The following AK5 variants were observed in gnomAD, a reference collection of about 807,000 sequenced individuals.
AK5 encodes adenylate kinase isoenzyme 5.
Under a neutral mutation model 69.5 loss-of-function variants are expected in AK5, and 27 were observed. The ratio of observed to expected loss-of-function variants is 0.39; its 90% confidence interval spans 0.29 to 0.54. AK5 has a LOEUF of 0.54. AK5 is among the 20% of genes least tolerant of loss of function. AK5 has a pLI of 0.71. For synonymous variants in AK5, 260 were observed against 244.4 expected (o/e 1.06, Z -0.60); for missense variants, 531 against 700.4 (o/e 0.76, Z 2.73).
chr1:77,545,171 C>T (rs1269189321), intron 13 of AK5, among the ~76,000 whole-genome samples: 1 of 152,158 alleles, frequency 6.6e-6, no homozygotes, highest in Non-Finnish European at 1.5e-5. Context: ...CTCAAGTAAC[C>T]AATGTGAACA....
chr1:77,318,716 C>CTT (rs113209635), intron 5 of AK5, among the ~76,000 whole-genome samples: 1 of 146,104 alleles, frequency 6.8e-6, no homozygotes, highest in African/African-American at 2.5e-5. Flanking sequence ...TTCAGTGGGT[C>CTT]TTTTTTTTTT....
chr1:77,355,911 A>G (rs981162808), intron 6 of AK5, among the ~76,000 whole-genome samples: 6 of 151,788 alleles, frequency 4.0e-5, no homozygotes, highest in African/African-American at 1.5e-4. Flanking sequence ...ACACATATAT[A>G]TATACACACA....
chr1:77,308,225 CCTTA>C (rs1659749911), intron 5 of AK5, among the ~76,000 whole-genome samples: 1 of 151,948 alleles, frequency 6.6e-6, no homozygotes, highest in African/African-American at 2.4e-5. Context: ...CGCCATTTTT[CCTTA>C]CTTCTCAGCC....
chr1:77,558,730 AAC>A lies in AK5; in HGVS notation c.*64_*65del. On this transcript the variant is annotated 3_prime_UTR_variant, in exon 14 of 14. Coordinates refer to ENST00000354567, the MANE Select transcript of AK5 (RefSeq NM_174858.3). ...AAAAACATTAAAAAGTTCATTCCTT[AAC>A]ACAATGTTTCAAGTTAAACCTTTTG... 8.3e-7 allele frequency: 1 copy of A among 1,211,176 alleles called. No homozygotes were observed. Among genetic ancestry groups the A allele is most frequent in the Admixed American group, 1.8e-5 (1 of 56,164 alleles). The allele number at this position is 1,211,176 out of a possible 1,614,324, so 75.0% of individuals were successfully genotyped here. A position where few individuals can be genotyped will look rare whatever the true frequency, so the allele number is the denominator to read the frequency against.
intron 8 of AK5, among the ~76,000 whole-genome samples, chr1:77,457,579 A>G (rs1273888298): frequency 1.3e-5 from 2 of 151,996 alleles, no homozygotes; most frequent in African/African-American, 2.4e-5. Flanking sequence ...TTTTCAAACC[A>G]TATGTTTTTA....
chr1:77,354,974 C>T lies in AK5; in HGVS notation c.891+14406C>T, dbSNP rs1414090425. The stretch of plus-strand genomic sequence containing the variant: ...TTTTTCCTCTATTCTGAAATTTATG[C>T]TTAAAAATCTGAATACAGACATCAC... On this transcript the variant is annotated intron_variant, in intron 6 of 13. Transcript: ENST00000354567. Among the ~76,000 whole-genome samples the T allele has an allele frequency of 2.6e-5, 4 of 152,308 alleles. No individual in the cohort carries two copies. The East Asian group carries it at 7.7e-4, about 29-fold the overall frequency.
chr1:77,340,255 C>T, intron 5 of AK5, 122 bp from the exon 6 acceptor site: 1 of 977,688 alleles, frequency 1.0e-6, no homozygotes, highest in Non-Finnish European at 1.5e-6. Context: ...AATACACTGT[C>T]AAAAACATAG....
At chr1:77,329,470 A>G (rs1292325429) in intron 5 of AK5, among the ~76,000 whole-genome samples, 1 of 152,108 alleles carries the variant, frequency 6.6e-6, no homozygotes, top group East Asian at 1.9e-4. Flanking sequence ...TGTGTTGCCC[A>G]GGCTGGTCTC....
chr1:77,333,803 T>G (rs2100361083), intron 5 of AK5, among the ~76,000 whole-genome samples: 1 of 152,354 alleles, frequency 6.6e-6, no homozygotes, highest in East Asian at 1.9e-4. Flanking sequence ...CCCACTCCTC[T>G]TCTAGAAATT....
At chr1:77,413,864 C>T (rs1289676053) in intron 7 of AK5, among the ~76,000 whole-genome samples, 1 of 152,142 alleles carries the variant, frequency 6.6e-6, no homozygotes, top group Admixed American at 6.5e-5. Context: ...GAAAAACTCC[C>T]CACTTCCCCT....
chr1:77,424,428 T>C (rs1010646891), intron 8 of AK5, among the ~76,000 whole-genome samples: 1 of 151,994 alleles, frequency 6.6e-6, no homozygotes. Flanking sequence ...GCCTGGCTAA[T>C]TTTATTTTTT....
intron 6 of AK5, among the ~76,000 whole-genome samples, chr1:77,388,748 GAA>G (rs5775396): frequency 2.0e-4 from 29 of 143,616 alleles, no homozygotes; most frequent in African/African-American, 3.3e-4. Context: ...AAGCTCTATG[GAA>G]AAAAAAAAAA....
intron 13 of AK5, among the ~76,000 whole-genome samples, chr1:77,549,645 T>C (rs1411151605): frequency 6.6e-6 from 1 of 152,194 alleles, no homozygotes; most frequent in African/African-American, 2.4e-5. Flanking sequence ...TCTGTCTCCA[T>C]GAGTTCAATT....
intron 8 of AK5, among the ~76,000 whole-genome samples, chr1:77,474,107 G>C (rs1341908116): frequency 1.3e-5 from 2 of 152,192 alleles, no homozygotes; most frequent in Non-Finnish European, 2.9e-5. Flanking sequence ...GGACTCATTT[G>C]TCTCATGTGG....
chr1:77,298,734 T>G (rs1388924954), intron 5 of AK5, among the ~76,000 whole-genome samples: 1 of 151,532 alleles, frequency 6.6e-6, no homozygotes, highest in Non-Finnish European at 1.5e-5. Flanking sequence ...TAAGAGAGAC[T>G]GAGAGGCAGG....
chr1:77,416,379 G>T (rs979636964), intron 7 of AK5, among the ~76,000 whole-genome samples: 3 of 152,132 alleles, frequency 2.0e-5, no homozygotes, highest in Non-Finnish European at 2.9e-5. Context: ...ACCCAGGGTT[G>T]TTCTGAACAC....
At chr1:77,549,947 CTT>C (rs921851397) in intron 13 of AK5, among the ~76,000 whole-genome samples, 1 of 151,942 alleles carries the variant, frequency 6.6e-6, no homozygotes, top group Non-Finnish European at 1.5e-5. Flanking sequence ...ACCTCAGCCT[CTT>C]TTATTTATTT....
Position 77,293,777 on chromosome 1 carries a change from T to C in AK5, c.248-16T>C. 1 of 1,582,904 alleles carries C rather than the reference T, an allele frequency of 6.3e-7. No homozygotes were observed. The highest frequency in any genetic ancestry group is 1.2e-5 in the South Asian group (1 of 85,604). On this transcript the variant is annotated splice_polypyrimidine_tract_variant and intron_variant, in intron 2 of 13. Transcript: ENST00000354567. ...TGGTGTTTTTTCCTTTTCAAAGTTA[T>C]CTTACTCTTTTGCAGTAATGCCTGA...
intron 5 of AK5, among the ~76,000 whole-genome samples, chr1:77,337,440 A>G (rs1661418873): frequency 6.6e-6 from 1 of 152,198 alleles, no homozygotes; most frequent in Non-Finnish European, 1.5e-5. Flanking sequence ...ATATTTTAAT[A>G]TGCGTTATCT....
Sources: allele counts gnomAD v4.1 joint callset (sites outside exome capture counted in the v4.1 genomes callset), GRCh38; gene constraint gnomAD v4.1.1; transcripts MANE v1.5; gene names NCBI Gene and HGNC (gene_info 2026-07-23, HGNC 2026-07-21).